The following CLIP1 variants were observed in gnomAD, a reference collection of about 807,000 sequenced individuals.
CLIP1 encodes CAP-Gly domain-containing linker protein 1.
A neutral mutation model predicts 161.6 loss-of-function variants in CLIP1; 66 were observed. That is an observed-to-expected ratio of 0.41 (90% confidence interval 0.33 to 0.50). The LOEUF is 0.50. Ranked by LOEUF, CLIP1 falls within the 20% of genes least tolerant of loss-of-function variation. The probability of loss-of-function intolerance (pLI) is 0.27; values close to 1 mark genes in which losing one functional copy is unlikely to be tolerated. For missense variants in CLIP1, 1,376 were observed against 1,702.0 expected, an observed-to-expected ratio of 0.81 and a Z score of 3.37; for synonymous variants, 598 against 626.2, an observed-to-expected ratio of 0.96 and a Z score of 0.67.
chr12:122,398,877 G>T (rs1036780085), intron 1 of CLIP1, among the ~76,000 whole-genome samples: 76 of 129,506 alleles, frequency 5.9e-4, no homozygotes, highest in African/African-American at 2.0e-3. Context: ...AAGAAAAAAA[G>T]ACACTTATTA....
intron 21 of CLIP1, among the ~76,000 whole-genome samples, chr12:122,281,220 C>T (rs1488220534): frequency 6.6e-6 from 1 of 152,190 alleles, no homozygotes; most frequent in Non-Finnish European, 1.5e-5. Flanking sequence ...CCCAGCATTA[C>T]TCACGCACTG....
chr12:122,381,722 ACT>A (rs2136848667), intron 1 of CLIP1, among the ~76,000 whole-genome samples: 1 of 152,324 alleles, frequency 6.6e-6, no homozygotes, highest in South Asian at 2.1e-4. Context: ...AACGCCAGCC[ACT>A]GGCAAAGAAT....
intron 17 of CLIP1, among the ~76,000 whole-genome samples, chr12:122,326,180 T>C (rs993224706): frequency 6.6e-6 from 1 of 152,218 alleles, no homozygotes; most frequent in African/African-American, 2.4e-5. Flanking sequence ...CTAGACACGT[T>C]TGGAGGGGAA....
intron 1 of CLIP1, among the ~76,000 whole-genome samples, chr12:122,414,509 G>A (rs1201177356): frequency 3.3e-5 from 5 of 151,558 alleles, no homozygotes; most frequent in Non-Finnish European, 7.4e-5. Flanking sequence ...TTTTTGCCCA[G>A]GCTGGAGTGC....
At chr12:122,283,152 G>T (rs1410187054) in intron 21 of CLIP1, among the ~76,000 whole-genome samples, 1 of 152,086 alleles carries the variant, frequency 6.6e-6, no homozygotes, top group African/African-American at 2.4e-5. Flanking sequence ...AACCAAACCG[G>T]CTCCCAAATC....
chr12:122,361,166 T>C lies in CLIP1; in HGVS notation c.798A>G (p.Gln266=). 2 of 1,613,350 alleles carry C rather than the reference T, an allele frequency of 1.2e-6. No homozygotes were observed. The highest frequency in any genetic ancestry group is 8.5e-7 in the Non-Finnish European group (1 of 1,179,582). Residue 266 remains glutamine, a synonymous_variant, in exon 5 of 26, where the codon CAA becomes CAG. Transcript: ENST00000620786. ...CAGGAGCGAACAAGCCATATTTGGG[T>C]TGACACTGAAAATACCTTTAGAGAA... ...AVAGTRYFQC[Q]PKYGLFAPVH... is the part of the protein sequence containing the mutation.
intron 20 of CLIP1, among the ~76,000 whole-genome samples, chr12:122,294,273 G>A (rs1950378740): frequency 6.9e-6 from 1 of 144,762 alleles, no homozygotes; most frequent in African/African-American, 2.5e-5. Context: ...AGCTTGCAGT[G>A]AGCTGAGATG....
chr12:122,351,363 T>C (rs986657896), intron 8 of CLIP1, among the ~76,000 whole-genome samples: 5 of 152,220 alleles, frequency 3.3e-5, no homozygotes, highest in Non-Finnish European at 5.9e-5. Context: ...GACATGAAAC[T>C]TCTAATGAGA....
At chr12:122,354,897 C>G (rs909100414) in intron 6 of CLIP1, 2 of 596,852 alleles carry the variant, frequency 3.4e-6, no homozygotes, top group African/African-American at 3.7e-5. Flanking sequence ...GACACAAAGA[C>G]CAAACACTAA....
At position 122,278,051 on chromosome 12, in the gene CLIP1, A is replaced by G. The variant is rs1367659266; in HGVS notation, c.3966+103T>C. 4.0e-6 allele frequency: 4 copies of G among 1,011,914 alleles called. No homozygotes were observed. The Admixed American group carries it at 6.1e-5, about 15-fold the overall frequency. The allele number at this position is 1,011,914 out of a possible 1,614,324, so 62.7% of individuals were successfully genotyped here. On this transcript the variant is annotated intron_variant, in intron 24 of 25. Coordinates refer to ENST00000620786, the MANE Select transcript of CLIP1 (RefSeq NM_001247997.2). ...GAGGAATGCATTACCAATTCAAAAG[A>G]CTAAATGATACAAAAGGCATCAAAT... is the stretch of plus-strand genomic sequence containing the variant.
At chr12:122,286,520 T>TAAAAA (rs57260606) in intron 21 of CLIP1, among the ~76,000 whole-genome samples, 13 of 28,256 alleles carry the variant, frequency 4.6e-4, no homozygotes, top group Admixed American at 1.9e-3. Flanking sequence ...GACTCTGTCT[T>TAAAAA]AAAAAAAAAA....
intron 1 of CLIP1, among the ~76,000 whole-genome samples, chr12:122,418,943 T>C (rs1016368984): frequency 3.3e-5 from 5 of 152,218 alleles, no homozygotes; most frequent in African/African-American, 2.4e-5. Context: ...AGTTAATATA[T>C]AGACAAAATT....
chr12:122,301,239 T>C (rs948993877), intron 20 of CLIP1, among the ~76,000 whole-genome samples: 2 of 152,232 alleles, frequency 1.3e-5, no homozygotes. Flanking sequence ...CGTTAGGTAA[T>C]ACTGTTGTAT....
intron 1 of CLIP1, 106 bp downstream of exon 1, chr12:122,422,415 G>C (rs1156547408): frequency 5.3e-5 from 8 of 151,434 alleles, no homozygotes; most frequent in Non-Finnish European, 8.9e-5. Flanking sequence ...CGGACGCCGG[G>C]CTTCGACCCC....
intron 1 of CLIP1, among the ~76,000 whole-genome samples, chr12:122,422,006 G>T (rs2137261712): frequency 6.6e-6 from 1 of 152,316 alleles, no homozygotes; most frequent in South Asian, 2.1e-4. Context: ...CCGGGGCAGC[G>T]GGGGAGGCCG....
intron 1 of CLIP1, among the ~76,000 whole-genome samples, chr12:122,385,485 A>C (rs1955216752): frequency 6.6e-6 from 1 of 152,104 alleles, no homozygotes. Flanking sequence ...AGGACCCTCC[A>C]CCTCTATGAA....
intron 1 of CLIP1, among the ~76,000 whole-genome samples, chr12:122,387,139 G>A (rs563258131): frequency 9.2e-5 from 14 of 152,188 alleles, no homozygotes; most frequent in South Asian, 8.3e-4. Flanking sequence ...GGATCCTCCC[G>A]CCTCAGCCTC....
At chr12:122,387,575 TATATATATATA>T in intron 1 of CLIP1, among the ~76,000 whole-genome samples, 2 of 4,120 alleles carry the variant, frequency 4.9e-4, no homozygotes, top group East Asian at 3.8e-3. Flanking sequence ...TATATATATA[TATATATATATA>T]TATATTTTTT....
At chr12:122,278,429 C>T (rs1955519507) in intron 23 of CLIP1, 3 of 574,122 alleles carry the variant, frequency 5.2e-6, no homozygotes, top group Non-Finnish European at 9.2e-6. Flanking sequence ...TCCCTCAGGC[C>T]TGCTAACTCC....
Sources: allele counts gnomAD v4.1 joint callset (sites outside exome capture counted in the v4.1 genomes callset), GRCh38; gene constraint gnomAD v4.1.1; transcripts MANE v1.5; gene names NCBI Gene and HGNC (gene_info 2026-07-23, HGNC 2026-07-21).